Variants in ANK3 observed in about 807,000 individuals in gnomAD.
ANK3 encodes ankyrin-3.
A neutral mutation model predicts 370.9 loss-of-function variants in ANK3; 57 were observed. The ratio of observed to expected loss-of-function variants is 0.15; its 90% confidence interval spans 0.12 to 0.19. The LOEUF is 0.19. ANK3 is among the 10% of genes least tolerant of loss of function. The pLI is 1.00. For missense variants in ANK3, 4,439 were observed against 5,302.1 expected, an observed-to-expected ratio of 0.84 and a Z score of 5.06; for synonymous variants, 1,929 against 1,946.3, an observed-to-expected ratio of 0.99 and a Z score of 0.23.
intron 23 of ANK3, among the ~76,000 whole-genome samples, chr10:60,160,596 A>T (rs1006194787): frequency 3.9e-5 from 6 of 152,100 alleles, no homozygotes; most frequent in African/African-American, 7.2e-5. Context: ...AGACACACAC[A>T]CACAAAAGGA....
At chr10:60,516,068 T>C in intron 2 of ANK3, among the ~76,000 whole-genome samples, 1 of 151,924 alleles carries the variant, frequency 6.6e-6, no homozygotes, top group Middle Eastern at 3.2e-3. Context: ...AAATAGGGAA[T>C]TGTGATCCCT....
intron 2 of ANK3, among the ~76,000 whole-genome samples, chr10:60,414,380 A>G (rs770341077): frequency 3.3e-5 from 5 of 152,200 alleles, no homozygotes; most frequent in Non-Finnish European, 7.3e-5. Flanking sequence ...TAACAGGAAT[A>G]TACAAAATTT....
chr10:60,469,770 C>T (rs1433908930), intron 2 of ANK3, among the ~76,000 whole-genome samples: 5 of 148,152 alleles, frequency 3.4e-5, no homozygotes, highest in Admixed American at 2.8e-4. Context: ...CAATTGTAAA[C>T]TTTTACTAAC....
chr10:60,712,526 A>T (rs1022076863), intron 1 of ANK3, among the ~76,000 whole-genome samples: 3 of 152,226 alleles, frequency 2.0e-5, no homozygotes, highest in Non-Finnish European at 4.4e-5. Context: ...AAATGGAATC[A>T]TATAAAGTGC....
chr10:60,691,746 G>C (rs2133403645), intron 1 of ANK3, among the ~76,000 whole-genome samples: 2 of 152,196 alleles, frequency 1.3e-5, no homozygotes, highest in African/African-American at 4.8e-5. Flanking sequence ...TACAGTATCT[G>C]CATTTTAATT....
At chr10:60,417,273 G>A (rs1429268520) in intron 2 of ANK3, among the ~76,000 whole-genome samples, 1 of 152,190 alleles carries the variant, frequency 6.6e-6, no homozygotes, top group Non-Finnish European at 1.5e-5. Context: ...GAATCATTAG[G>A]CCATGATCCA....
chr10:60,511,464 T>C (rs1307022947), intron 2 of ANK3, among the ~76,000 whole-genome samples: 3 of 152,176 alleles, frequency 2.0e-5, no homozygotes, highest in African/African-American at 7.2e-5. Flanking sequence ...CAATCTGTGC[T>C]TTGCCCTAAC....
Position 60,180,594 on chromosome 10 carries a change from C to CAAAA in ANK3, c.2184+731_2184+734dup, listed in dbSNP as rs58386273. Among the ~76,000 whole-genome samples, 30 of 63,294 alleles carry CAAAA rather than the reference C, an allele frequency of 4.7e-4. 2 individuals carry two copies. Among genetic ancestry groups the CAAAA allele is most frequent in the African/African-American group, 1.0e-3 (15 of 14,612 alleles). The allele number at this position is 63,294 out of a possible 152,430, so 41.5% of individuals were successfully genotyped here. On this transcript the variant is annotated intron_variant, in intron 18 of 43. Coordinates refer to ENST00000280772, the MANE Select transcript of ANK3 (RefSeq NM_020987.5). ...CTGGTAACAGAGTGAGACTCCGTCT[C>CAAAA]AAAAAAAAAAAAAAAAAAACCAAAA...
chr10:60,575,929 G>A (rs1358848100), intron 2 of ANK3, among the ~76,000 whole-genome samples: 1 of 152,132 alleles, frequency 6.6e-6, no homozygotes, highest in Non-Finnish European at 1.5e-5. Context: ...GCCCAAAGGT[G>A]TGCCAGTGCA....
At position 60,300,643 on chromosome 10, in the gene ANK3, A is replaced by G. The variant is rs577700816; in HGVS notation, c.115-21004T>C. ...TTTAGTCATGATATGTGGAATACCG[A>G]GAATAGCAGGGCAATCAGCTGGGGA... is the stretch of plus-strand genomic sequence containing the variant. On this transcript the variant is annotated intron_variant, in intron 1 of 43. Coordinates refer to ENST00000280772, the MANE Select transcript of ANK3 (RefSeq NM_020987.5). 4.0e-6 allele frequency: 3 copies of G among 759,422 alleles called. No individual in the cohort carries two copies. The East Asian group carries it at 3.9e-4, about 98-fold the overall frequency. 47.0% of individuals were successfully genotyped at this position (759,422 alleles called of 1,614,324 possible).
chr10:60,332,139 T>C (rs2051504056), intron 1 of ANK3, among the ~76,000 whole-genome samples: 1 of 152,132 alleles, frequency 6.6e-6, no homozygotes, highest in African/African-American at 2.4e-5. Flanking sequence ...CTCCTCATGA[T>C]TAAAACTAAT....
intron 9 of ANK3, among the ~76,000 whole-genome samples, chr10:60,212,413 A>C (rs2096871567): frequency 6.6e-6 from 1 of 152,158 alleles, no homozygotes; most frequent in African/African-American, 2.4e-5. Flanking sequence ...GTGGCTTAGA[A>C]GATAGCAGTG....
At chr10:60,704,595 A>G (rs1013017251) in intron 1 of ANK3, among the ~76,000 whole-genome samples, 1 of 152,224 alleles carries the variant, frequency 6.6e-6, no homozygotes, top group South Asian at 2.1e-4. Flanking sequence ...GAATTTTAAT[A>G]ACGTTGTCCT....
chr10:60,321,402 G>GAAAAT (rs2048635991), intron 1 of ANK3, among the ~76,000 whole-genome samples: 1 of 108,184 alleles, frequency 9.2e-6, no homozygotes, highest in Non-Finnish European at 1.9e-5. Flanking sequence ...GAGAAGAGAA[G>GAAAAT]AAAAGAAAAG....
intron 25 of ANK3, among the ~76,000 whole-genome samples, chr10:60,128,409 T>G (rs1294665141): frequency 6.6e-6 from 1 of 151,176 alleles, no homozygotes. Flanking sequence ...AGATAGGGTC[T>G]CACTATCTTG....
chr10:60,644,159 T>C lies in ANK3; in HGVS notation c.58-28935A>G, dbSNP rs1318338263. On this transcript the variant is annotated intron_variant, in intron 1 of 43. Coordinates refer to the ANK3 transcript ENST00000373827. ...ATCTGTTGGAGAAGAGAGTAATGAA[T>C]GTAAGATGACTTCTCGTCTCTTGGT... Among the ~76,000 whole-genome samples the C allele has an allele frequency of 3.9e-5, 6 of 152,180 alleles. No homozygotes were observed. The East Asian group carries it at 1.2e-3, about 29-fold the overall frequency.
chr10:60,428,470 C>T (rs2063939058), intron 2 of ANK3, among the ~76,000 whole-genome samples: 1 of 152,170 alleles, frequency 6.6e-6, no homozygotes, highest in Admixed American at 6.5e-5. Flanking sequence ...CTTACAATTT[C>T]CTATTGTTCA....
intron 7 of ANK3, among the ~76,000 whole-genome samples, chr10:60,236,577 T>C (rs1333238650): frequency 3.3e-5 from 5 of 152,326 alleles, no homozygotes; most frequent in Admixed American, 6.5e-5. Flanking sequence ...CATGTCCTTT[T>C]CTCCCTGTAT....
intron 1 of ANK3, among the ~76,000 whole-genome samples, chr10:60,626,416 C>T (rs2078411200): frequency 1.3e-5 from 2 of 152,148 alleles, no homozygotes; most frequent in African/African-American, 2.4e-5. Context: ...AAGACATCTT[C>T]AACAAAGATA....
Sources: gnomAD v4.1 joint callset for allele counts (sites outside exome capture counted in the v4.1 genomes callset) on GRCh38, gnomAD v4.1.1 for gene constraint, MANE v1.5 for transcripts, NCBI Gene and HGNC (gene_info 2026-07-23, HGNC 2026-07-21) for gene names.